SEC14L1: variants seen among roughly 807,000 people sequenced by gnomAD.
SEC14L1 encodes the protein SEC14 like lipid binding 1, also known as SEC14-like protein 1.
SEC14L1 carries 48 observed loss-of-function variants against 85.3 expected under a neutral mutation model. The ratio of observed to expected loss-of-function variants is 0.56; its 90% CI spans 0.45 to 0.72. The LOEUF (loss-of-function observed/expected upper bound fraction) is 0.72. SEC14L1 is among the 30% of genes least tolerant of loss of function. The pLI, the probability that SEC14L1 is intolerant of heterozygous loss-of-function variation, is 0.00. For synonymous variants in SEC14L1, 391 were observed against 355.5 expected (o/e 1.10, Z -1.12); for missense variants, 682 against 921.4 (o/e 0.74, Z 3.36).
At chr17:77,130,633 T>A (rs2143444234) in intron 3 of SEC14L1, among the ~76,000 whole-genome samples, 1 of 151,436 alleles carries the variant, frequency 6.6e-6, no homozygotes, top group South Asian at 2.1e-4. Flanking sequence ...TATTTATTTA[T>A]TTTTGAGACA....
At chr17:77,197,346 G>A (rs1442519988) in intron 8 of SEC14L1, among the ~76,000 whole-genome samples, 1 of 152,190 alleles carries the variant, frequency 6.6e-6, no homozygotes, top group Non-Finnish European at 1.5e-5. Flanking sequence ...TATTCAGGGA[G>A]GCCAACCTGT....
chr17:77,191,264 T>A lies in SEC14L1; in HGVS notation c.297T>A (p.Asn99Lys), dbSNP rs1231848737. Residue 99 changes from asparagine to lysine, a missense_variant, in exon 5 of 17, where the codon AAT (asparagine) becomes AAA (lysine). Around this residue, in one of 3 missense-constraint regions of SEC14L1, gnomAD observed 139 missense variants for 201.3 expected, o/e 0.69. Coordinates refer to ENST00000436233, the MANE Select transcript of SEC14L1 (RefSeq NM_001143998.2). The stretch of plus-strand genomic sequence containing the variant: ...GTACTTTGCACATTGAGGCTTATAA[T>A]GAAACGTTTTCCAATCGGGTCATCA... ...RERTLHIEAYNETFSNRVIIN... is the reference protein window; with the variant it reads ...RERTLHIEAYKETFSNRVIIN... 6.2e-7 allele frequency: 1 copy of A among 1,614,188 alleles called. No individual in the cohort carries two copies. Among genetic ancestry groups the A allele is most frequent in the Admixed American group, 1.7e-5 (1 of 60,022 alleles).
intron 3 of SEC14L1, among the ~76,000 whole-genome samples, chr17:77,132,738 C>T (rs1473668045): frequency 1.3e-5 from 2 of 152,112 alleles, no homozygotes; most frequent in African/African-American, 2.4e-5. Context: ...GTTTCTTTTG[C>T]TATGGTAGTG....
intron 14 of SEC14L1, 100 bp from the exon 15 acceptor site, chr17:77,211,850 C>T: frequency 6.7e-7 from 1 of 1,484,804 alleles, no homozygotes; most frequent in African/African-American, 1.4e-5. Context: ...TCCCCAGCTT[C>T]AGCACCTGCA....
chr17:77,116,473 G>T (rs913263866), intron 3 of SEC14L1, among the ~76,000 whole-genome samples: 3 of 152,096 alleles, frequency 2.0e-5, no homozygotes, highest in Non-Finnish European at 4.4e-5. Context: ...GAGGGCAGAG[G>T]TTGGGAGAAA....
In SEC14L1 at chr17:77,206,755, A is replaced by G; in HGVS notation, c.1369A>G (p.Arg457Gly). Reference protein sequence around the residue: ...LVSPFIDDNTRRKFLIYAGND... With the variant: ...LVSPFIDDNTGRKFLIYAGND... Reference sequence around the variant, plus strand: ...TAGTCCGTTCATTGATGACAACACCAGAAGGAAGTTCCTCATTTATGCAGG... The same window carrying G: ...TAGTCCGTTCATTGATGACAACACCGGAAGGAAGTTCCTCATTTATGCAGG... The change falls in exon 13 of 17, where the codon AGA becomes GGA. Residue 457 changes from arginine to glycine, a missense_variant. Physicochemically the swap from Arg to Gly is moderately radical, Grantham distance 125. Coordinates refer to ENST00000436233, the MANE Select transcript of SEC14L1 (RefSeq NM_001143998.2). The surrounding 1 kb of genome is among the most constrained non-coding windows in gnomAD (Gnocchi z 4.3). 1.2e-6 allele frequency: 2 copies of G among 1,612,154 alleles called. No homozygotes were observed. The highest frequency in any genetic ancestry group is 1.7e-6 in the Non-Finnish European group (2 of 1,179,430).
chr17:77,191,228 T>C lies in SEC14L1; in HGVS notation c.261T>C (p.Asn87=). 5 of 1,613,820 alleles carry C rather than the reference T, an allele frequency of 3.1e-6. No individual in the cohort carries two copies. The highest frequency in any genetic ancestry group is 4.2e-6 in the Non-Finnish European group (5 of 1,179,686). ...YVYFVQKNSL[N]SRERTLHIEA... ...ATTTTGTCCAGAAAAACTCACTGAA[T>C]TCTCGGGAACGTACTTTGCACATTG... is the stretch of plus-strand genomic sequence containing the variant. Residue 87 remains asparagine (N), a synonymous_variant, in exon 5 of 17, where the codon AAT becomes AAC. Coordinates refer to ENST00000436233, the MANE Select transcript of SEC14L1 (RefSeq NM_001143998.2).
chr17:77,120,188 A>G (rs1051532400), intron 3 of SEC14L1, among the ~76,000 whole-genome samples: 4 of 152,170 alleles, frequency 2.6e-5, no homozygotes, highest in Non-Finnish European at 5.9e-5. Flanking sequence ...CCTGAGCAAC[A>G]TAGTGAGACA....
intron 6 of SEC14L1, 139 bp downstream of exon 6, chr17:77,193,688 C>T: frequency 1.1e-6 from 1 of 881,566 alleles, no homozygotes; most frequent in South Asian, 1.9e-5. Context: ...CTACCCCCTG[C>T]CTCATCTTTA....
At chr17:77,120,393 G>A (rs921824307) in intron 3 of SEC14L1, among the ~76,000 whole-genome samples, 41 of 152,120 alleles carry the variant, frequency 2.7e-4, no homozygotes, top group African/African-American at 9.2e-4. Context: ...CTAGAACGTC[G>A]CTGTGTGTCT....
intron 5 of SEC14L1, 51 bp downstream of exon 5, chr17:77,191,363 G>A: frequency 6.2e-7 from 1 of 1,605,464 alleles, no homozygotes; most frequent in Non-Finnish European, 8.5e-7. Context: ...TATGGCTTCT[G>A]AGGATTGTTT....
At chr17:77,197,820 G>C (rs1302316438) in intron 8 of SEC14L1, among the ~76,000 whole-genome samples, 1 of 152,118 alleles carries the variant, frequency 6.6e-6, no homozygotes, top group South Asian at 2.1e-4. Flanking sequence ...TGGCCAGGCT[G>C]GTCTCAAACT....
At chr17:77,166,948 A>T (rs905020861) in intron 3 of SEC14L1, among the ~76,000 whole-genome samples, 1 of 152,190 alleles carries the variant, frequency 6.6e-6, no homozygotes, top group African/African-American at 2.4e-5. Flanking sequence ...CTCCATATAT[A>T]CATGTTGGTT....
chr17:77,119,876 A>G (rs1004534730), intron 3 of SEC14L1, among the ~76,000 whole-genome samples: 3 of 152,198 alleles, frequency 2.0e-5, no homozygotes, highest in Admixed American at 1.3e-4. Flanking sequence ...AACCAATGCC[A>G]CAGAAAAGGC....
intron 3 of SEC14L1, among the ~76,000 whole-genome samples, chr17:77,173,731 C>A (rs942510233): frequency 6.6e-6 from 1 of 152,148 alleles, no homozygotes; most frequent in Non-Finnish European, 1.5e-5. Flanking sequence ...GTTGCTTTTT[C>A]TTATTTTTAG....
At chr17:77,118,644 A>C (rs1972231329) in intron 3 of SEC14L1, among the ~76,000 whole-genome samples, 1 of 152,256 alleles carries the variant, frequency 6.6e-6, no homozygotes, top group African/African-American at 2.4e-5. Context: ...CCTCGGCCCC[A>C]ACCAGAGAAG....
chr17:77,151,504 G>A (rs1311980208), intron 3 of SEC14L1, among the ~76,000 whole-genome samples: 1 of 152,144 alleles, frequency 6.6e-6, no homozygotes, highest in East Asian at 1.9e-4. Context: ...ATGCGCTAGA[G>A]TGAAGGCAGT....
intron 2 of SEC14L1, chr17:77,089,782 G>A (rs1266014845): frequency 1.9e-5 from 4 of 210,710 alleles, no homozygotes; most frequent in East Asian, 1.8e-4. Context: ...TTGGGAGGCC[G>A]AGGCGGGTGG....
chr17:77,122,801 C>T (rs1261428914), intron 3 of SEC14L1, among the ~76,000 whole-genome samples: 2 of 152,232 alleles, frequency 1.3e-5, no homozygotes, highest in Non-Finnish European at 2.9e-5. Flanking sequence ...CCCAAGGCCA[C>T]CCAAGGCAGA....
Sources: gnomAD v4.1 joint callset for allele counts (sites outside exome capture counted in the v4.1 genomes callset) on GRCh38, gnomAD v4.1.1 for gene constraint, gnomAD v4.1.1 regional missense constraint, Gnocchi (gnomAD v3.1) non-coding constraint, MANE v1.5 for transcripts, NCBI Gene and HGNC (gene_info 2026-07-23, HGNC 2026-07-21) for gene names.